SLC4A10: variants seen among roughly 807,000 people sequenced by gnomAD.
SLC4A10 encodes sodium-driven chloride bicarbonate exchanger.
Under a neutral mutation model 137.7 loss-of-function variants are expected in SLC4A10, and 42 were observed. That is an observed-to-expected ratio of 0.30 (90% CI 0.24 to 0.39). SLC4A10 has a LOEUF of 0.39. SLC4A10 is among the 10% of genes least tolerant of loss of function. The pLI, the probability that SLC4A10 is intolerant of heterozygous loss-of-function variation, is 1.00. For synonymous variants in SLC4A10, 474 were observed against 464.1 expected (o/e 1.02, Z -0.27); for missense variants, 925 against 1,355.0 (o/e 0.68, Z 4.98).
chr2:161,701,150 A>G (rs1459345180), intron 1 of SLC4A10, among the ~76,000 whole-genome samples: 1 of 152,046 alleles, frequency 6.6e-6, no homozygotes, highest in Non-Finnish European at 1.5e-5. Context: ...GGGCAAAACC[A>G]GGATTTGAAA....
intron 1 of SLC4A10, chr2:161,708,737 G>GT (rs2043957063): frequency 1.3e-6 from 2 of 1,530,098 alleles, no homozygotes; most frequent in Admixed American, 2.0e-5. Context: ...ATTATCTTTT[G>GT]TAAGACAGGA....
chr2:161,874,516 C>T (rs1277900021), intron 8 of SLC4A10, among the ~76,000 whole-genome samples: 3 of 152,134 alleles, frequency 2.0e-5, no homozygotes, highest in Non-Finnish European at 4.4e-5. Flanking sequence ...ATCTTCTGGT[C>T]CCCCCTCAAA....
intron 3 of SLC4A10, among the ~76,000 whole-genome samples, chr2:161,816,366 T>C (rs1575102892): frequency 6.6e-6 from 1 of 152,092 alleles, no homozygotes; most frequent in Non-Finnish European, 1.5e-5. Flanking sequence ...GCTAGATATA[T>C]GTTGTTAATT....
At position 161,872,375 on chromosome 2, in the gene SLC4A10, C is replaced by A. The variant is rs759670652; in HGVS notation, c.849C>A (p.Asp283Glu). ...NDVSRENSTV[D>E]FSKGLGGQQK... ...TTAGCAGAGAAAACAGCACTGTTGA[C>A]TTTAGCAAGGTGAGCTTTTCTCCCT... The change falls in exon 7 of 27, where the codon GAC becomes GAA. Residue 283 changes from aspartate (D) to glutamate (E), a missense_variant. Asp to Glu is a conservative substitution (Grantham distance 45). Around this residue, in one of 11 missense-constraint regions of SLC4A10, gnomAD observed 277 missense variants for 306.1 expected, o/e 0.90. Coordinates refer to ENST00000446997, the MANE Select transcript of SLC4A10 (RefSeq NM_001178015.2). The A allele has an allele frequency of 1.2e-6, 2 of 1,613,032 alleles. No individual in the cohort carries two copies. The highest frequency in any genetic ancestry group is 2.7e-5 in the African/African-American group (2 of 74,902).
intron 3 of SLC4A10, among the ~76,000 whole-genome samples, chr2:161,819,435 T>C (rs2057418215): frequency 6.6e-6 from 1 of 152,114 alleles, no homozygotes; most frequent in Non-Finnish European, 1.5e-5. Flanking sequence ...ATGAATGTGA[T>C]GATGTTTAAT....
chr2:161,660,955 C>T lies in SLC4A10; in HGVS notation c.48+36389C>T, dbSNP rs575219485. Among the ~76,000 whole-genome samples the T allele has an allele frequency of 2.6e-5, 4 of 151,986 alleles. No homozygotes were observed. In the East Asian group the frequency reaches 5.8e-4, roughly 22 times the overall value. ...GATTACAGGTGTGAGCCACCACACC[C>T]AGCCATGTATGCATTTTTCTATTAA... On this transcript the variant is annotated intron_variant, in intron 1 of 26. Transcript: ENST00000446997.
chr2:161,814,006 C>G (rs887857329), intron 3 of SLC4A10, among the ~76,000 whole-genome samples: 1 of 151,974 alleles, frequency 6.6e-6, no homozygotes, highest in Non-Finnish European at 1.5e-5. Flanking sequence ...ATCCACTGTT[C>G]TGGAAACTTT....
At chr2:161,801,916 C>T in intron 2 of SLC4A10, among the ~76,000 whole-genome samples, 1 of 151,676 alleles carries the variant, frequency 6.6e-6, no homozygotes, top group East Asian at 1.9e-4. Flanking sequence ...TGACTCAATC[C>T]CAGAGATCAT....
At chr2:161,868,457 A>G (rs1018721456) in intron 6 of SLC4A10, among the ~76,000 whole-genome samples, 3 of 151,684 alleles carry the variant, frequency 2.0e-5, no homozygotes, top group African/African-American at 7.2e-5. Flanking sequence ...GTTTTCTCCT[A>G]TGCTAGCCCC....
At chr2:161,793,022 A>T (rs927827036) in intron 2 of SLC4A10, among the ~76,000 whole-genome samples, 4 of 152,176 alleles carry the variant, frequency 2.6e-5, no homozygotes, top group Non-Finnish European at 5.9e-5. Flanking sequence ...CAGTACCAGA[A>T]TCATTGCAAC....
chr2:161,639,909 C>T (rs1345155036), intron 1 of SLC4A10, among the ~76,000 whole-genome samples: 1 of 152,120 alleles, frequency 6.6e-6, no homozygotes, highest in Non-Finnish European at 1.5e-5. Flanking sequence ...AGAGCTAGAA[C>T]ATAAGTGCAG....
At chr2:161,703,806 G>T (rs1349501397) in intron 1 of SLC4A10, among the ~76,000 whole-genome samples, 2 of 151,668 alleles carry the variant, frequency 1.3e-5, no homozygotes, top group Non-Finnish European at 3.0e-5. Context: ...AGGCAAAGTT[G>T]TTTTATTTGA....
chr2:161,738,739 T>A (rs2047591642), intron 1 of SLC4A10, among the ~76,000 whole-genome samples: 1 of 152,218 alleles, frequency 6.6e-6, no homozygotes, highest in African/African-American at 2.4e-5. Context: ...CTATTCTTTT[T>A]TCTCTTCATT....
intron 2 of SLC4A10, among the ~76,000 whole-genome samples, chr2:161,792,186 C>A (rs1445363191): frequency 2.6e-5 from 4 of 151,766 alleles, no homozygotes; most frequent in Non-Finnish European, 5.9e-5. Flanking sequence ...TGTATTTGTG[C>A]GTATATGTAT....
chr2:161,747,891 GTATCAATT>G (rs1483113142), intron 1 of SLC4A10, among the ~76,000 whole-genome samples: 2 of 152,050 alleles, frequency 1.3e-5, no homozygotes, highest in Non-Finnish European at 2.9e-5. Flanking sequence ...CATAATGGCT[GTATCAATT>G]TACATTTCTA....
intron 3 of SLC4A10, among the ~76,000 whole-genome samples, chr2:161,830,591 G>A (rs1313758664): frequency 2.7e-5 from 4 of 150,892 alleles, no homozygotes; most frequent in Non-Finnish European, 5.9e-5. Flanking sequence ...ATGTTGATGA[G>A]ATATATTTTA....
chr2:161,631,047 C>T (rs2033454684), intron 1 of SLC4A10, among the ~76,000 whole-genome samples: 1 of 151,596 alleles, frequency 6.6e-6, no homozygotes, highest in South Asian at 2.1e-4. Flanking sequence ...TCTTTTTGCC[C>T]ACATATTTCA....
At chr2:161,977,811 A>G in intron 26 of SLC4A10, 51 bp downstream of exon 26, 1 of 1,523,788 alleles carries the variant, frequency 6.6e-7, no homozygotes, top group Non-Finnish European at 8.8e-7. Flanking sequence ...CCTTATGTTA[A>G]ATGGTGTCTT....
chr2:161,827,512 T>A (rs913942969), intron 3 of SLC4A10, among the ~76,000 whole-genome samples: 1 of 152,152 alleles, frequency 6.6e-6, no homozygotes, highest in East Asian at 1.9e-4. Flanking sequence ...TTCTATATCA[T>A]CATTATAACC....
Sources: gnomAD v4.1 joint callset for allele counts (sites outside exome capture counted in the v4.1 genomes callset) on GRCh38, gnomAD v4.1.1 for gene constraint, gnomAD v4.1.1 regional missense constraint, MANE v1.5 for transcripts, NCBI Gene and HGNC (gene_info 2026-07-23, HGNC 2026-07-21) for gene names.